ODAD2: variants seen among roughly 807,000 people sequenced by gnomAD.
ODAD2 encodes the protein outer dynein arm-docking complex subunit 2.
In ODAD2, 89 loss-of-function variants were observed where a neutral mutation model predicts 106.8. The ratio of observed to expected loss-of-function variants is 0.83; its 90% CI spans 0.70 to 0.99. The LOEUF (loss-of-function observed/expected upper bound fraction) is 0.99, where lower values mean the gene tolerates loss of function less well. ODAD2 is among the 50% of genes least tolerant of loss of function. The probability of loss-of-function intolerance (pLI) is 0.00; values close to 1 mark genes in which losing one functional copy is unlikely to be tolerated. For synonymous variants in ODAD2, 404 were observed against 436.2 expected (o/e 0.93, Z 0.92); for missense variants, 1,168 against 1,238.5 (o/e 0.94, Z 0.85).
At chr10:27,994,412 TA>T (rs1467698755) in intron 2 of ODAD2, among the ~76,000 whole-genome samples, 5 of 152,082 alleles carry the variant, frequency 3.3e-5, no homozygotes, top group Non-Finnish European at 7.4e-5. Context: ...AAGTACCCCA[TA>T]CATTTATAGA....
At chr10:27,943,949 C>T (rs1350820166) in intron 12 of ODAD2, among the ~76,000 whole-genome samples, 1 of 151,954 alleles carries the variant, frequency 6.6e-6, no homozygotes, top group African/African-American at 2.4e-5. Flanking sequence ...TACTTGGATG[C>T]ATTCCTAACA....
intron 9 of ODAD2, among the ~76,000 whole-genome samples, chr10:27,962,027 T>A (rs1848178592): frequency 6.6e-6 from 1 of 152,112 alleles, no homozygotes; most frequent in South Asian, 2.1e-4. Flanking sequence ...TATTACCTCA[T>A]CACACCACTG....
At chr10:27,896,874 C>G (rs1022479325) in intron 17 of ODAD2, among the ~76,000 whole-genome samples, 1 of 152,142 alleles carries the variant, frequency 6.6e-6, no homozygotes, top group African/African-American at 2.4e-5. Flanking sequence ...GCCTCCTTCT[C>G]TTAATAGCTG....
intron 16 of ODAD2, among the ~76,000 whole-genome samples, chr10:27,918,778 A>G (rs901131709): frequency 2.6e-5 from 4 of 151,988 alleles, no homozygotes; most frequent in Admixed American, 2.0e-4. Flanking sequence ...GTATTTCTAC[A>G]TGTAGAAAAC....
At chr10:27,856,588 T>C (rs1175297784) in intron 19 of ODAD2, among the ~76,000 whole-genome samples, 2 of 152,006 alleles carry the variant, frequency 1.3e-5, no homozygotes, top group Non-Finnish European at 2.9e-5. Context: ...TTTCTGAATC[T>C]CTCCACTCTC....
intron 18 of ODAD2, 118 bp downstream of exon 18, chr10:27,862,316 T>A (rs1840104410): frequency 1.5e-6 from 1 of 668,228 alleles, no homozygotes; most frequent in Non-Finnish European, 2.4e-6. Context: ...TCATACCTCA[T>A]AAGCAATGGG....
At chr10:27,926,525 C>T (rs1480229753) in intron 16 of ODAD2, among the ~76,000 whole-genome samples, 1 of 151,974 alleles carries the variant, frequency 6.6e-6, no homozygotes, top group Non-Finnish European at 1.5e-5. Flanking sequence ...AAAATCTGGA[C>T]TTGAATAATG....
intron 6 of ODAD2, among the ~76,000 whole-genome samples, chr10:27,982,404 A>T (rs958814068): frequency 6.6e-6 from 1 of 152,128 alleles, no homozygotes; most frequent in African/African-American, 2.4e-5. Flanking sequence ...ATCAATAATA[A>T]CCTTTGATAG....
intron 10 of ODAD2, among the ~76,000 whole-genome samples, chr10:27,947,660 C>T (rs1235019876): frequency 1.3e-5 from 2 of 152,066 alleles, no homozygotes; most frequent in Non-Finnish European, 2.9e-5. Context: ...AGAGCAGGTT[C>T]CTATATTAAG....
chr10:27,837,683 C>T (rs1837999715), intron 19 of ODAD2, among the ~76,000 whole-genome samples: 1 of 152,134 alleles, frequency 6.6e-6, no homozygotes. Context: ...TAAAGAACGA[C>T]AAAATAAACT....
intron 19 of ODAD2, chr10:27,835,926 A>G (rs924647447): frequency 3.6e-5 from 2 of 55,132 alleles, no homozygotes; most frequent in African/African-American, 1.3e-4. Context: ...AAATCCCATC[A>G]AAAAAAAAAA....
chr10:27,940,897 A>G (rs1590084205), intron 12 of ODAD2, 92 bp from the exon 13 acceptor site: 2 of 1,306,628 alleles, frequency 1.5e-6, no homozygotes, highest in Non-Finnish European at 2.1e-6. Flanking sequence ...TACCAAGCTC[A>G]CCTCCGTCAA....
At chr10:27,816,566 C>T (rs1264443932) in intron 19 of ODAD2, among the ~76,000 whole-genome samples, 3 of 151,982 alleles carry the variant, frequency 2.0e-5, no homozygotes, top group African/African-American at 7.3e-5. Context: ...AGTGAGGCCT[C>T]AACAATGCAG....
intron 19 of ODAD2, among the ~76,000 whole-genome samples, chr10:27,815,310 C>G (rs547156949): frequency 1.3e-5 from 2 of 152,186 alleles, no homozygotes; most frequent in African/African-American, 4.8e-5. Flanking sequence ...CATTTAAACA[C>G]GTCTTACACA....
chr10:27,867,350 C>G (rs1470619981), intron 17 of ODAD2, among the ~76,000 whole-genome samples: 1 of 152,146 alleles, frequency 6.6e-6, no homozygotes, highest in African/African-American at 2.4e-5. Context: ...TCTGATGGTG[C>G]TGGGGTGTTC....
In ODAD2 at chr10:27,885,795, T is replaced by TAATATATATAAA. The variant is rs1564466751; in HGVS notation, c.2610+21867_2610+21868insTTTATATATATT. 4.1e-3 allele frequency among the ~76,000 whole-genome samples: 255 copies of TAATATATATAAA among 62,040 alleles called. 7 individuals are homozygous for TAATATATATAAA. Among genetic ancestry groups the TAATATATATAAA allele is most frequent in the African/African-American group, 0.016 (250 of 16,042 alleles). The allele number at this position is 62,040 out of a possible 152,430, so 40.7% of individuals were successfully genotyped here. On this transcript the variant is annotated intron_variant, in intron 17 of 19. Coordinates refer to ENST00000305242, the MANE Select transcript of ODAD2 (RefSeq NM_018076.5). ...TATATAAAATATATATTATATATAA[T>TAATATATATAAA]ATATATAAAATATATATTATATATA...
At chr10:27,918,303 G>A (rs749228046) in intron 16 of ODAD2, among the ~76,000 whole-genome samples, 9 of 151,884 alleles carry the variant, frequency 5.9e-5, no homozygotes, top group Admixed American at 1.3e-4. Flanking sequence ...AAGAATGCAT[G>A]AAAAAGGTAA....
In ODAD2 at chr10:27,924,013, AGAAAGAAAGAAG is replaced by A. The variant is rs1388285015; in HGVS notation, c.2495+10985_2495+10996del. On this transcript the variant is annotated intron_variant, in intron 16 of 19. Transcript: ENST00000305242. ...AAGAAAGAAAGAAAGAAAGAAAGAA[AGAAAGAAAGAAG>A]GAAAGAGAAAGAAAGAAGGAAAGAG... Among the ~76,000 whole-genome samples, 106 of 109,696 alleles carry A rather than the reference AGAAAGAAAGAAG, an allele frequency of 9.7e-4. 4 individuals are homozygous for A. The highest frequency in any genetic ancestry group is 2.9e-3 in the African/African-American group (56 of 19,372). The allele number at this position is 109,696 out of a possible 152,430, so 72.0% of individuals were successfully genotyped here. A position where few individuals can be genotyped will look rare whatever the true frequency, so the allele number is the denominator to read the frequency against.
intron 10 of ODAD2, among the ~76,000 whole-genome samples, chr10:27,952,074 C>CAAAAAAAAAAAAAAAAAAAAAAA (rs71388944): frequency 2.3e-3 from 102 of 43,884 alleles, no homozygotes; most frequent in Non-Finnish European, 2.7e-3. Flanking sequence ...GATGCCAACT[C>CAAAAAAAAAAAAAAAAAAAAAAA]AAAAAAAAAA....
Sources: gnomAD v4.1 joint callset for allele counts (sites outside exome capture counted in the v4.1 genomes callset) on GRCh38, gnomAD v4.1.1 for gene constraint, MANE v1.5 for transcripts, NCBI Gene and HGNC (gene_info 2026-07-23, HGNC 2026-07-21) for gene names.